Variants in ZSWIM7 observed in about 807,000 individuals in gnomAD.
ZSWIM7 encodes zinc finger SWIM-type containing 7.
In ZSWIM7, 22 loss-of-function variants were observed where a neutral mutation model predicts 21.1. That is an observed-to-expected ratio of 1.04 (90% CI 0.74 to 1.49). The LOEUF is 1.49. Among genes scored for constraint, ZSWIM7 ranks in the 40% most tolerant of loss-of-function variants. ZSWIM7 has a pLI of 0.00. For synonymous variants in ZSWIM7, 67 were observed against 66.5 expected (o/e 1.01, Z -0.04); for missense variants, 193 against 168.0 (o/e 1.15, Z -0.82).
intron 3 of ZSWIM7, among the ~76,000 whole-genome samples, chr17:15,986,376 T>C (rs1018106817): frequency 2.6e-5 from 4 of 152,108 alleles, no homozygotes; most frequent in Admixed American, 2.6e-4. Flanking sequence ...TTCTGGAGGA[T>C]TTTGTTAAGT....
chr17:15,986,647 CA>C (rs1240163096), intron 3 of ZSWIM7, among the ~76,000 whole-genome samples: 1 of 150,946 alleles, frequency 6.6e-6, no homozygotes, highest in Non-Finnish European at 1.5e-5. Context: ...TAGTGGTTAC[CA>C]GGGGCCTTGG....
At chr17:15,991,933 G>GTT in intron 2 of ZSWIM7, among the ~76,000 whole-genome samples, 1 of 137,166 alleles carries the variant, frequency 7.3e-6, no homozygotes, top group African/African-American at 3.0e-5. Context: ...GTTTTGTTTT[G>GTT]TTTTTTTTTT....
chr17:15,978,332 T>C (rs1351851424), intron 4 of ZSWIM7, among the ~76,000 whole-genome samples, 169 bp from the exon 5 acceptor site: 3 of 152,280 alleles, frequency 2.0e-5, no homozygotes, highest in East Asian at 3.9e-4. Flanking sequence ...GCATGGTGGC[T>C]CACACCTGTC....
intron 2 of ZSWIM7, among the ~76,000 whole-genome samples, chr17:15,991,904 GTTTT>G (rs1277836412): frequency 2.2e-5 from 2 of 90,680 alleles, no homozygotes; most frequent in Non-Finnish European, 4.5e-5. Flanking sequence ...GACAGGTTTT[GTTTT>G]TTTTTGTTTG....
chr17:15,980,061 G>T (rs963263374), intron 4 of ZSWIM7, among the ~76,000 whole-genome samples: 2 of 149,726 alleles, frequency 1.3e-5, no homozygotes, highest in African/African-American at 4.9e-5. Flanking sequence ...CCTCCCGGAC[G>T]GGGCGGCTGG....
chr17:15,999,420 G>A (rs1472826268), intron 1 of ZSWIM7, 99 bp downstream of exon 1: 4 of 1,433,318 alleles, frequency 2.8e-6, no homozygotes, highest in African/African-American at 1.4e-5. Flanking sequence ...AAAAGGCAGG[G>A]CCAGGCCCGG....
chr17:15,987,633 G>C (rs1970430987), intron 2 of ZSWIM7, among the ~76,000 whole-genome samples: 1 of 151,640 alleles, frequency 6.6e-6, no homozygotes, highest in African/African-American at 2.4e-5. Flanking sequence ...TTTTTGAGAT[G>C]GAGTTTTTCT....
rs545290975 is a variant in ZSWIM7, at chr17:15,977,860, C to T, written c.*187G>A. On this transcript the variant is annotated 3_prime_UTR_variant, in exon 5 of 5. Transcript: ENST00000399277. Reference sequence around the variant, plus strand: ...GACAAGACTGTACAGGGCTTCTCATCATACACAAACCCTCCACAGCCCACG... The same window carrying T: ...GACAAGACTGTACAGGGCTTCTCATTATACACAAACCCTCCACAGCCCACG... 13 of 557,186 alleles carry T rather than the reference C, an allele frequency of 2.3e-5. No homozygotes were observed. Among genetic ancestry groups the T allele is most frequent in the African/African-American group, 2.3e-4 (12 of 53,076 alleles). 34.5% of individuals were successfully genotyped at this position (557,186 alleles called of 1,614,324 possible). A position where few individuals can be genotyped will look rare whatever the true frequency, so the allele number is the denominator to read the frequency against.
At chr17:15,979,994 G>C (rs989800821) in intron 4 of ZSWIM7, among the ~76,000 whole-genome samples, 2 of 141,426 alleles carry the variant, frequency 1.4e-5, no homozygotes, top group African/African-American at 5.4e-5. Flanking sequence ...GGGCAGAGGT[G>C]CCCCTCATCT....
intron 2 of ZSWIM7, among the ~76,000 whole-genome samples, chr17:15,987,971 C>G (rs764134327): frequency 1.3e-5 from 2 of 152,130 alleles, no homozygotes; most frequent in Non-Finnish European, 2.9e-5. Flanking sequence ...CTTTATACTT[C>G]TCTGTAGTGC....
At chr17:15,984,427 T>A (rs966107419) in intron 3 of ZSWIM7, among the ~76,000 whole-genome samples, 9 of 152,226 alleles carry the variant, frequency 5.9e-5, no homozygotes, top group African/African-American at 9.6e-5. Context: ...GAGAGCTTTT[T>A]AAAAAAGGAA....
chr17:15,996,955 T>G (rs567804358), intron 1 of ZSWIM7, among the ~76,000 whole-genome samples: 1 of 152,098 alleles, frequency 6.6e-6, no homozygotes, highest in African/African-American at 2.4e-5. Flanking sequence ...GCTCCAGACT[T>G]CGAGTCCAGC....
chr17:15,991,360 A>G (rs1468188495), intron 2 of ZSWIM7, among the ~76,000 whole-genome samples: 1 of 152,144 alleles, frequency 6.6e-6, no homozygotes, highest in African/African-American at 2.4e-5. Context: ...ACAAACATCT[A>G]TAATTACTTC....
intron 1 of ZSWIM7, among the ~76,000 whole-genome samples, chr17:15,996,694 T>C (rs1337822811): frequency 6.6e-6 from 1 of 151,502 alleles, no homozygotes; most frequent in Non-Finnish European, 1.5e-5. Context: ...CTACAAACAA[T>C]ACAAAAACTA....
chr17:15,996,117 C>G (rs1468801525), intron 1 of ZSWIM7, among the ~76,000 whole-genome samples: 1 of 152,126 alleles, frequency 6.6e-6, no homozygotes, highest in Non-Finnish European at 1.5e-5. Flanking sequence ...GTCAGCCTGA[C>G]TAACATTTAG....
chr17:15,996,542 G>C (rs949855647), intron 1 of ZSWIM7, among the ~76,000 whole-genome samples: 1 of 151,988 alleles, frequency 6.6e-6, no homozygotes, highest in African/African-American at 2.4e-5. Flanking sequence ...CTAGCCTGGG[G>C]AACAGAGTGA....
chr17:15,999,691 G>A lies in ZSWIM7; in HGVS notation c.-97C>T, dbSNP rs1189707635. On this transcript the variant is annotated 5_prime_UTR_variant, in exon 1 of 5. Transcript: ENST00000399277. ...AGGATCCTGACCCCCCGCCGGGGCA[G>A]GGCGAGACGGAGTGACGTCGGGGCG... is the stretch of plus-strand genomic sequence containing the variant. 2 of 1,556,628 alleles carry A rather than the reference G, an allele frequency of 1.3e-6. No homozygotes were observed. Among genetic ancestry groups the A allele is most frequent in the East Asian group, 2.4e-5 (1 of 41,668 alleles).
chr17:15,979,355 C>G (rs1970317649), intron 4 of ZSWIM7, among the ~76,000 whole-genome samples: 1 of 152,178 alleles, frequency 6.6e-6, no homozygotes, highest in Non-Finnish European at 1.5e-5. Context: ...TTTCTTAGTA[C>G]AGAACAAAAT....
At chr17:15,983,069 G>A (rs149946996) in intron 3 of ZSWIM7, among the ~76,000 whole-genome samples, 47 of 152,200 alleles carry the variant, frequency 3.1e-4, no homozygotes, top group African/African-American at 4.1e-4. Context: ...AGTTCAGGCC[G>A]GGCATAGTGG....
Sources: allele counts gnomAD v4.1 joint callset (sites outside exome capture counted in the v4.1 genomes callset), GRCh38; gene constraint gnomAD v4.1.1; transcripts MANE v1.5; gene names NCBI Gene and HGNC (gene_info 2026-07-23, HGNC 2026-07-21).